NOP53: variants seen among roughly 807,000 people sequenced by gnomAD.
The protein encoded by NOP53 is NOP53 ribosome biogenesis factor.
In NOP53, 40 loss-of-function variants were observed where a neutral mutation model predicts 61.0. The observed-to-expected ratio is 0.66, with a 90% CI of 0.51 to 0.85. NOP53 has a LOEUF of 0.85. NOP53 is among the 40% of genes least tolerant of loss of function. The probability of loss-of-function intolerance (pLI) is 0.00; values close to 1 mark genes in which losing one functional copy is unlikely to be tolerated. For synonymous variants in NOP53, 308 were observed against 289.5 expected (o/e 1.06, Z -0.65); for missense variants, 689 against 652.9 (o/e 1.06, Z -0.60).
chr19:47,754,300 A>G lies in NOP53; in HGVS notation c.766-227A>G, dbSNP rs972859198. On this transcript the variant is annotated intron_variant, in intron 6 of 12. Transcript: ENST00000246802. This position sits in a 1 kb window ranked among gnomAD's most constrained non-coding sequence, Gnocchi z 4.2. The stretch of plus-strand genomic sequence containing the variant: ...CTCAAAAAAAAAATGTGAAGCGTGC[A>G]GGTCAGACTGCCTTCACAGACGTGC... 1 of 539,768 alleles carries G rather than the reference A, an allele frequency of 1.9e-6. No homozygotes were observed. Among genetic ancestry groups the G allele is most frequent in the Non-Finnish European group, 3.3e-6 (1 of 300,106 alleles). 33.4% of individuals were successfully genotyped at this position (539,768 alleles called of 1,614,324 possible).
chr19:47,755,378 C>G lies in NOP53; in HGVS notation c.1084C>G (p.Arg362Gly). The change falls in exon 9 of 13, where the codon CGG (arginine) becomes GGG (glycine). Residue 362 changes from arginine (R) to glycine (G), a missense_variant. Transcript: ENST00000246802. ...ACAGCAGGCCGCGTTGCGGGCCGCC[C>G]GGCTCCGGCACCAGGAGCTGTTCCG... is the stretch of plus-strand genomic sequence containing the variant. ...RVQQAALRAA[R>G]LRHQELFRLR... 1.3e-6 allele frequency: 2 copies of G among 1,523,290 alleles called. No individual in the cohort carries two copies. Among genetic ancestry groups the G allele is most frequent in the Non-Finnish European group, 1.8e-6 (2 of 1,141,300 alleles). 94.4% of individuals were successfully genotyped at this position (1,523,290 alleles called of 1,614,324 possible). A position where few individuals can be genotyped will look rare whatever the true frequency, so the allele number is the denominator to read the frequency against.
At position 47,755,842 on chromosome 19, in the gene NOP53, G is replaced by C. The variant is rs778507541; in HGVS notation, c.1296+20G>C. On this transcript the variant is annotated intron_variant, in intron 10 of 12. Coordinates refer to ENST00000246802, the MANE Select transcript of NOP53 (RefSeq NM_015710.5). ...CTGAAGGTGCTCACTGTGTCCTGCCGTGGAGCCCCGTGCCCAGTGATGACA... is the reference window on the plus strand; with the variant it reads ...CTGAAGGTGCTCACTGTGTCCTGCCCTGGAGCCCCGTGCCCAGTGATGACA... The C allele has an allele frequency of 3.8e-6, 6 of 1,586,678 alleles. No individual in the cohort carries two copies. Among genetic ancestry groups the C allele is most frequent in the Non-Finnish European group, 5.2e-6 (6 of 1,159,916 alleles).
chr19:47,747,037 G>T lies in NOP53; in HGVS notation c.289+6G>T. On this transcript the variant is annotated splice_donor_region_variant and intron_variant, in intron 2 of 12. Transcript: ENST00000246802. ...CACTGGCTCCAAGGAAAAAGGTGAGGAGAGGCTTTTGTGGTGTGGAATGGC... is the reference window on the plus strand; with the variant it reads ...CACTGGCTCCAAGGAAAAAGGTGAGTAGAGGCTTTTGTGGTGTGGAATGGC... The T allele has an allele frequency of 6.2e-7, 1 of 1,612,352 alleles. No homozygotes were observed. Among genetic ancestry groups the T allele is most frequent in the Non-Finnish European group, 8.5e-7 (1 of 1,178,470 alleles).
intron 3 of NOP53, 32 bp from the exon 4 acceptor site, chr19:47,750,876 C>A (rs1290224868): frequency 3.9e-6 from 6 of 1,549,010 alleles, no homozygotes; most frequent in Non-Finnish European, 5.2e-6. Flanking sequence ...GCCACCTCAC[C>A]TGCTGCACTT....
chr19:47,745,909 G>C (rs1967057395), intron 1 of NOP53, 126 bp downstream of exon 1: 1 of 600,300 alleles, frequency 1.7e-6, no homozygotes, highest in Non-Finnish European at 2.9e-6. Flanking sequence ...CCTGTCCCGG[G>C]GACCGCCGAG....
Position 47,751,520 on chromosome 19 carries a change from A to T in NOP53, c.599A>T (p.Asn200Ile), listed in dbSNP as rs1180469137. The T allele has an allele frequency of 2.8e-5, 45 of 1,612,878 alleles. No individual in the cohort carries two copies. Among genetic ancestry groups the T allele is most frequent in the Non-Finnish European group, 3.5e-5 (41 of 1,179,448 alleles). ...GCAGCTCCCCTCGCTGTATCCACAG[A>T]CCCCCTGGACAGGCCGTTGGTTGGC... ...RPFYDLWASDNPLDRPLVGQD... is the reference protein window; with the variant it reads ...RPFYDLWASDIPLDRPLVGQD... The change falls in exon 5 of 13, where the codon AAC becomes ATC. Residue 200 changes from asparagine (N) to isoleucine (I), a missense_variant and splice_region_variant. Physicochemically the swap from Asn to Ile is moderately radical, Grantham distance 149. Coordinates refer to ENST00000246802, the MANE Select transcript of NOP53 (RefSeq NM_015710.5).
At chr19:47,756,444 T>A (rs1253925090) in intron 10 of NOP53, 84 bp from the exon 11 acceptor site, 1 of 1,111,828 alleles carries the variant, frequency 9.0e-7, no homozygotes, top group East Asian at 2.4e-5. Flanking sequence ...TGCATGGGGC[T>A]GAGCCCTGCC....
intron 2 of NOP53, among the ~76,000 whole-genome samples, chr19:47,747,677 T>C (rs1273136548): frequency 6.6e-6 from 1 of 150,924 alleles, no homozygotes; most frequent in Non-Finnish European, 1.5e-5. Flanking sequence ...AGTACAGTGG[T>C]GTGATCTCAG....
At position 47,756,558 on chromosome 19, in the gene NOP53, A is replaced by G. The variant is rs747316019; in HGVS notation, c.1327A>G (p.Lys443Glu). 1 of 1,614,118 alleles carries G rather than the reference A, an allele frequency of 6.2e-7. No homozygotes were observed. The highest frequency in any genetic ancestry group is 1.1e-5 in the South Asian group (1 of 91,090). Residue 443 changes from lysine (K) to glutamate (E), a missense_variant, in exon 11 of 13, where the codon AAG becomes GAG. Physicochemically the swap from Lys to Glu is moderately conservative, Grantham distance 56. Transcript: ENST00000246802. ...GGGCAACATCCTTCGAGACCGGTTC[A>G]AGAGCTTCCAGAGGAGGAATATGAT... ...PEGNILRDRF[K>E]SFQRRNMIEP...
At chr19:47,748,159 A>G (rs11672364) in intron 2 of NOP53, among the ~76,000 whole-genome samples, 82,708 of 151,386 alleles carry the variant, frequency 0.55, 25,865 homozygotes, top group South Asian at 0.72. Flanking sequence ...TCCTGACCTC[A>G]GGTGATCCAC....
chr19:47,754,522 C>T lies in NOP53; in HGVS notation c.766-5C>T. ...CAGGGACCCATCCTCACTCCCGCCC[C>T]TCAGACCCTGCTCTCAGCGGCCCAC... On this transcript the variant is annotated splice_polypyrimidine_tract_variant and splice_region_variant and intron_variant, in intron 6 of 12. Transcript: ENST00000246802. The surrounding 1 kb of genome is among the most constrained non-coding windows in gnomAD (Gnocchi z 4.2). The T allele has an allele frequency of 6.5e-7, 1 of 1,548,302 alleles. No homozygotes were observed. The highest frequency in any genetic ancestry group is 1.2e-5 in the South Asian group (1 of 83,986).
rs1349551305 is a variant in NOP53 at position 47,745,626 on chromosome 19, C to T, written c.67C>T (p.Leu23=). 1.2e-6 allele frequency: 2 copies of T among 1,614,114 alleles called. No homozygotes were observed. The highest frequency in any genetic ancestry group is 2.2e-5 in the East Asian group (1 of 44,874). Reference sequence around the variant, plus strand: ...GAAAAGCGATGCCGATTCTGGTTTCCTGGGGCTGCGGCCCACTTCGGTGGA... The same window carrying T: ...GAAAAGCGATGCCGATTCTGGTTTCTTGGGGCTGCGGCCCACTTCGGTGGA... ...SSKSDADSGF[L]GLRPTSVDPA... Residue 23 remains leucine, a synonymous_variant, in exon 1 of 13, where the codon CTG becomes TTG. Transcript: ENST00000246802.
rs1439250607 is a variant in NOP53 at position 47,752,616 on chromosome 19, C to T, written c.765+9C>T. ...CCTTTGAAGACCACCAGGTACACTG[C>T]CCCGTCCAGGCCTCCCTCCTCAGTG... is the stretch of plus-strand genomic sequence containing the variant. On this transcript the variant is annotated intron_variant, in intron 6 of 12. Transcript: ENST00000246802. 2.6e-6 allele frequency: 4 copies of T among 1,535,354 alleles called. No homozygotes were observed. The highest frequency in any genetic ancestry group is 2.7e-5 in the African/African-American group (2 of 73,626).
At chr19:47,750,329 T>A in intron 3 of NOP53, 43 bp downstream of exon 3, 1 of 1,198,640 alleles carries the variant, frequency 8.3e-7, no homozygotes, top group Non-Finnish European at 1.2e-6. Context: ...CCCACCAGAC[T>A]CTGGTCCTAA....
chr19:47,756,139 T>A, intron 10 of NOP53: 1 of 511,962 alleles, frequency 2.0e-6, no homozygotes, highest in Non-Finnish European at 3.5e-6. Context: ...GAACCTGCTG[T>A]GGCTCCCCAG....
At chr19:47,756,645 G>C (rs1967204095) in intron 11 of NOP53, 41 bp downstream of exon 11, 1 of 1,613,348 alleles carries the variant, frequency 6.2e-7, no homozygotes, top group South Asian at 1.1e-5. Context: ...AGGGCATCTG[G>C]GATTGGCCCC....
At chr19:47,755,646 C>A (rs1389043397) in intron 9 of NOP53, 110 bp from the exon 10 acceptor site, 2 of 1,345,002 alleles carry the variant, frequency 1.5e-6, no homozygotes, top group African/African-American at 1.4e-5. Flanking sequence ...CCTCTTCCCC[C>A]ACAAAACCCC....
intron 9 of NOP53, 40 bp from the exon 10 acceptor site, chr19:47,755,716 C>T (rs750648028): frequency 2.1e-5 from 32 of 1,558,712 alleles, no homozygotes; most frequent in East Asian, 4.7e-5. Context: ...TCCTGGGCCC[C>T]GCGGGGGTGA....
In NOP53 at chr19:47,750,184, C is replaced by T. The variant is rs1408774159; in HGVS notation, c.296C>T (p.Thr99Ile). The T allele has an allele frequency of 1.2e-6, 2 of 1,606,164 alleles. No individual in the cohort carries two copies. The highest frequency in any genetic ancestry group is 1.7e-6 in the Non-Finnish European group (2 of 1,173,074). ...TTCTCTTTCCCATTCTTAGGGCTGA[C>T]AAAGAAGAGAACCAAAGTCCAGAAG... is the stretch of plus-strand genomic sequence containing the variant. The part of the protein sequence containing the change: ...VDTGSKEKGL[T>I]KKRTKVQKKS... The change falls in exon 3 of 13, where the codon ACA becomes ATA. Residue 99 changes from threonine to isoleucine, a missense_variant. Transcript: ENST00000246802.
Sources: gnomAD v4.1 joint callset for allele counts (sites outside exome capture counted in the v4.1 genomes callset) on GRCh38, gnomAD v4.1.1 for gene constraint, Gnocchi (gnomAD v3.1) non-coding constraint, MANE v1.5 for transcripts, NCBI Gene and HGNC (gene_info 2026-07-23, HGNC 2026-07-21) for gene names.